The following NECTIN3 variants were observed in gnomAD, a reference collection of about 807,000 sequenced individuals.
The protein encoded by NECTIN3 is nectin-3.
NECTIN3 carries 8 observed loss-of-function variants against 49.4 expected under a neutral mutation model. The ratio of observed to expected loss-of-function variants is 0.16; its 90% CI spans 0.10 to 0.29. NECTIN3 has a LOEUF of 0.29. NECTIN3 is among the 10% of genes least tolerant of loss of function. The pLI, the probability that NECTIN3 is intolerant of heterozygous loss-of-function variation, is 1.00. For missense variants in NECTIN3, 581 were observed against 654.6 expected (o/e 0.89, Z 1.23); for synonymous variants, 277 against 241.1 (o/e 1.15, Z -1.38).
chr3:111,103,979 C>G (rs1013163701), intron 1 of NECTIN3, among the ~76,000 whole-genome samples: 2 of 152,138 alleles, frequency 1.3e-5, no homozygotes, highest in African/African-American at 4.8e-5. Flanking sequence ...CATGGGTATG[C>G]AAGTGTACAA....
At chr3:111,103,395 T>TAC (rs1257824841) in intron 1 of NECTIN3, among the ~76,000 whole-genome samples, 51 of 152,162 alleles carry the variant, frequency 3.4e-4, no homozygotes, top group African/African-American at 1.0e-3. Flanking sequence ...CTATGTAAAT[T>TAC]TGTGTTTTTA....
At chr3:111,161,591 G>A (rs2035213393) in intron 7 of NECTIN3, among the ~76,000 whole-genome samples, 1 of 152,134 alleles carries the variant, frequency 6.6e-6, no homozygotes, top group South Asian at 2.1e-4. Flanking sequence ...ATCAGCAGTG[G>A]CATTAGATTC....
chr3:111,134,885 G>A lies in NECTIN3; in HGVS notation c.*670G>A, dbSNP rs1257058110. Reference sequence around the variant, plus strand: ...GTAGTAAACTCAGTGAACATGATGTGTGGAAGAGCATAATTAGCTGGTCAA... The same window carrying A: ...GTAGTAAACTCAGTGAACATGATGTATGGAAGAGCATAATTAGCTGGTCAA... On this transcript the variant is annotated 3_prime_UTR_variant, in exon 6 of 6. Transcript: ENST00000485303. The A allele has an allele frequency of 3.0e-6, 3 of 983,670 alleles. No individual in the cohort carries two copies. The highest frequency in any genetic ancestry group is 3.5e-5 in the African/African-American group (2 of 57,134). The allele number at this position is 983,670 out of a possible 1,614,324, so 60.9% of individuals were successfully genotyped here.
intron 1 of NECTIN3, among the ~76,000 whole-genome samples, chr3:111,103,992 CTT>C (rs2033048352): frequency 6.6e-6 from 1 of 152,146 alleles, no homozygotes; most frequent in South Asian, 2.1e-4. Flanking sequence ...GTGTACAAGT[CTT>C]TGTGTGGACA....
upstream of NECTIN3, among the ~76,000 whole-genome samples, chr3:111,189,105 C>A (rs1196997809): frequency 6.6e-6 from 1 of 152,162 alleles, no homozygotes; most frequent in Non-Finnish European, 1.5e-5. Flanking sequence ...ATGGAAACAA[C>A]CACCAGAAAT....
chr3:111,174,558 A>T (rs535954594), intron 7 of NECTIN3, among the ~76,000 whole-genome samples: 2 of 152,170 alleles, frequency 1.3e-5, no homozygotes, highest in South Asian at 4.1e-4. Flanking sequence ...GAGATTGTGG[A>T]CTTGTAGTGA....
At chr3:111,077,386 G>GT (rs2031291175) in intron 1 of NECTIN3, 1 of 237,550 alleles carries the variant, frequency 4.2e-6, no homozygotes, top group Non-Finnish European at 8.4e-6. Context: ...TCTTAAATAG[G>GT]TTGGCTGTTG....
At chr3:111,076,592 A>G (rs1276387345) in intron 1 of NECTIN3, among the ~76,000 whole-genome samples, 3 of 152,018 alleles carry the variant, frequency 2.0e-5, no homozygotes, top group Non-Finnish European at 2.9e-5. Flanking sequence ...AAATTGTTGA[A>G]TCTGTATTCT....
intron 5 of NECTIN3, among the ~76,000 whole-genome samples, chr3:111,130,227 A>G (rs557213974): frequency 5.2e-4 from 79 of 151,114 alleles, no homozygotes; most frequent in African/African-American, 1.9e-3. Context: ...GAGTGCTGGG[A>G]TTACAGGCAT....
intron 1 of NECTIN3, among the ~76,000 whole-genome samples, chr3:111,103,021 A>G (rs1247061336): frequency 6.6e-6 from 1 of 152,120 alleles, no homozygotes; most frequent in East Asian, 1.9e-4. Context: ...TCTATTCTTT[A>G]GCCAATACCA....
At chr3:111,130,983 G>A (rs961822139) in intron 5 of NECTIN3, among the ~76,000 whole-genome samples, 5 of 151,972 alleles carry the variant, frequency 3.3e-5, no homozygotes, top group African/African-American at 7.2e-5. Flanking sequence ...TTGAATTTCA[G>A]GTCATATTGA....
chr3:111,094,925 T>C (rs976278989), intron 1 of NECTIN3, among the ~76,000 whole-genome samples: 6 of 152,232 alleles, frequency 3.9e-5, no homozygotes, highest in African/African-American at 1.4e-4. Flanking sequence ...AGTTCACCAA[T>C]GCCAGTTAAG....
In NECTIN3 at chr3:111,122,167, A is replaced by G; in HGVS notation, c.846A>G (p.Val282=). 6.2e-7 allele frequency: 1 copy of G among 1,613,590 alleles called. No homozygotes were observed. Among genetic ancestry groups the G allele is most frequent in the Non-Finnish European group, 8.5e-7 (1 of 1,179,650 alleles). The change falls in exon 4 of 6, where the codon GTA becomes GTG. Residue 282 remains valine, a synonymous_variant. Coordinates refer to ENST00000485303, the MANE Select transcript of NECTIN3 (RefSeq NM_015480.3). ...SVTGYDGNWF[V]GRKGVNLKCN... ...CAGGATATGATGGAAATTGGTTTGT[A>G]GGAAGAAAAGGTGTTAATCTCAAAT...
chr3:111,164,746 A>G (rs2035285428), intron 7 of NECTIN3, among the ~76,000 whole-genome samples: 2 of 152,206 alleles, frequency 1.3e-5, no homozygotes, highest in African/African-American at 4.8e-5. Flanking sequence ...TCGTTGGACT[A>G]GGGTCCACCC....
intron 7 of NECTIN3, among the ~76,000 whole-genome samples, chr3:111,175,146 T>A (rs985210736): frequency 6.6e-6 from 1 of 151,812 alleles, no homozygotes; most frequent in Non-Finnish European, 1.5e-5. Flanking sequence ...ATGTTGCTCC[T>A]CTTCTCTATT....
chr3:111,187,706 A>G (rs2035746542), upstream of NECTIN3, among the ~76,000 whole-genome samples: 1 of 152,208 alleles, frequency 6.6e-6, no homozygotes, highest in African/African-American at 2.4e-5. Flanking sequence ...AAAGCTACAT[A>G]CTGAATGATT....
At chr3:111,169,616 A>G (rs1252564572) in intron 7 of NECTIN3, among the ~76,000 whole-genome samples, 1 of 152,102 alleles carries the variant, frequency 6.6e-6, no homozygotes, top group East Asian at 1.9e-4. Context: ...ATTCACTTCC[A>G]TGGTCTAATG....
At chr3:111,131,116 T>C (rs542386912) in intron 5 of NECTIN3, among the ~76,000 whole-genome samples, 10 of 152,026 alleles carry the variant, frequency 6.6e-5, no homozygotes, top group African/African-American at 2.2e-4. Context: ...AATAAGCCAA[T>C]TAATTTTTAT....
At position 111,107,372 on chromosome 3, in the gene NECTIN3, T is replaced by C. The variant is rs2033229899; in HGVS notation, c.161-4658T>C. On this transcript the variant is annotated intron_variant, in intron 1 of 5. Transcript: ENST00000485303. ...TTCTCTGAAAGAATAATAAATTCAA[T>C]TTAATTAATTAGCTAATGATACAAA... Among the ~76,000 whole-genome samples, 3 of 152,092 alleles carry C rather than the reference T, an allele frequency of 2.0e-5. No individual in the cohort carries two copies. The South Asian group carries it at 6.2e-4, about 32-fold the overall frequency.
Sources: allele counts gnomAD v4.1 joint callset (sites outside exome capture counted in the v4.1 genomes callset), GRCh38; gene constraint gnomAD v4.1.1; transcripts MANE v1.5; gene names NCBI Gene and HGNC (gene_info 2026-07-23, HGNC 2026-07-21).